The following UTRN variants were observed in gnomAD, a reference collection of about 807,000 sequenced individuals.
UTRN encodes dystrophin-related protein 1.
A neutral mutation model predicts 463.9 loss-of-function variants in UTRN; 283 were observed. The observed-to-expected ratio is 0.61, with a 90% CI of 0.55 to 0.67. The LOEUF (loss-of-function observed/expected upper bound fraction) is 0.67, where lower values mean the gene tolerates loss of function less well. Ranked by LOEUF, UTRN falls within the 30% of genes least tolerant of loss-of-function variation. UTRN has a pLI of 0.00. For synonymous variants in UTRN, 1,442 were observed against 1,431.5 expected (o/e 1.01, Z -0.17); for missense variants, 3,922 against 4,084.3 (o/e 0.96, Z 1.08).
At chr6:144,484,728 C>T (rs1031296846) in intron 27 of UTRN, among the ~76,000 whole-genome samples, 2 of 151,882 alleles carry the variant, frequency 1.3e-5, no homozygotes, top group African/African-American at 4.8e-5. Flanking sequence ...CAGGTGTGAA[C>T]CACCGCACTT....
intron 51 of UTRN, among the ~76,000 whole-genome samples, chr6:144,586,112 T>C (rs1052518514): frequency 3.9e-5 from 6 of 152,138 alleles, no homozygotes; most frequent in Non-Finnish European, 8.8e-5. Context: ...ATTTTCATAC[T>C]TCTCTTGTTT....
At chr6:144,824,614 CTTT>C (rs34382974) in intron 66 of UTRN, among the ~76,000 whole-genome samples, 2 of 30,878 alleles carry the variant, frequency 6.5e-5, no homozygotes, top group African/African-American at 2.1e-4. Context: ...ATATATATAT[CTTT>C]TTTTTTTTTT....
At chr6:144,374,783 TA>T (rs1278521811) in intron 2 of UTRN, among the ~76,000 whole-genome samples, 1 of 151,256 alleles carries the variant, frequency 6.6e-6, no homozygotes, top group African/African-American at 2.4e-5. Flanking sequence ...CGCCCAGCCT[TA>T]AAAATACAAA....
rs769291104 is a variant in UTRN, at chr6:144,700,252, A to G, written c.7809+9A>G. The stretch of plus-strand genomic sequence containing the variant: ...AGTATGACCATTGTAAGGTAAGTGG[A>G]TAACCTATAGTGAGTCGCTTAATTC... On this transcript the variant is annotated intron_variant, in intron 53 of 74. Coordinates refer to ENST00000367545, the MANE Select transcript of UTRN (RefSeq NM_007124.3). 8.7e-6 allele frequency: 14 copies of G among 1,609,528 alleles called. No individual in the cohort carries two copies. Among genetic ancestry groups the G allele is most frequent in the Non-Finnish European group, 1.2e-5 (14 of 1,177,280 alleles).
chr6:144,782,500 G>T (rs1434241099), intron 61 of UTRN, among the ~76,000 whole-genome samples: 1 of 151,946 alleles, frequency 6.6e-6, no homozygotes, highest in Non-Finnish European at 1.5e-5. Context: ...ATGAATTACA[G>T]TAATTTATTA....
chr6:144,297,467 C>T (rs1159232520), intron 2 of UTRN, among the ~76,000 whole-genome samples: 1 of 152,128 alleles, frequency 6.6e-6, no homozygotes, highest in Non-Finnish European at 1.5e-5. Context: ...TGTATTTAGG[C>T]AGTCATCGGT....
intron 51 of UTRN, among the ~76,000 whole-genome samples, chr6:144,616,083 C>T (rs956577852): frequency 2.0e-5 from 3 of 152,150 alleles, no homozygotes; most frequent in African/African-American, 7.2e-5. Context: ...TTTCACTGAT[C>T]TCCATGTTGT....
intron 64 of UTRN, among the ~76,000 whole-genome samples, chr6:144,800,251 A>G (rs1273978653): frequency 2.0e-5 from 3 of 152,228 alleles, no homozygotes; most frequent in African/African-American, 7.2e-5. Context: ...ACCTGAAGCA[A>G]CTATGTAGAA....
intron 54 of UTRN, among the ~76,000 whole-genome samples, chr6:144,736,821 A>T (rs1789461957): frequency 1.3e-5 from 2 of 152,188 alleles, no homozygotes; most frequent in Admixed American, 1.3e-4. Flanking sequence ...GCTGGGAGCC[A>T]GGCTCCTCAC....
chr6:144,607,118 T>C (rs966391495), intron 51 of UTRN, among the ~76,000 whole-genome samples: 77 of 152,348 alleles, frequency 5.1e-4, no homozygotes, highest in Non-Finnish European at 7.1e-4. Context: ...TAAACAAATA[T>C]GGAGTCTGCA....
At chr6:144,325,228 T>G (rs1042176195) in intron 2 of UTRN, among the ~76,000 whole-genome samples, 5 of 152,122 alleles carry the variant, frequency 3.3e-5, no homozygotes, top group Non-Finnish European at 1.5e-5. Flanking sequence ...TGCAACAGTG[T>G]TTGGAGGTGG....
intron 52 of UTRN, among the ~76,000 whole-genome samples, chr6:144,699,315 G>A (rs1784326505): frequency 6.6e-6 from 1 of 151,966 alleles, no homozygotes; most frequent in Non-Finnish European, 1.5e-5. Context: ...GCACATGCCT[G>A]TAATTCCAGC....
intron 53 of UTRN, among the ~76,000 whole-genome samples, chr6:144,730,015 A>G (rs745968246): frequency 1.4e-4 from 21 of 152,266 alleles, no homozygotes; most frequent in Admixed American, 4.6e-4. Flanking sequence ...AGAAAAAAGT[A>G]TCTTAGCAAA....
chr6:144,396,624 A>T (rs575339969), intron 2 of UTRN, among the ~76,000 whole-genome samples: 2 of 152,346 alleles, frequency 1.3e-5, no homozygotes, highest in South Asian at 4.1e-4. Context: ...AGGTGAATTT[A>T]AATGGGTAAA....
At chr6:144,524,997 T>C (rs948224569) in intron 41 of UTRN, among the ~76,000 whole-genome samples, 1 of 152,220 alleles carries the variant, frequency 6.6e-6, no homozygotes, top group African/African-American at 2.4e-5. Flanking sequence ...ATCACATTTA[T>C]TGACTTGTGT....
chr6:144,679,777 A>T (rs1020324625), intron 52 of UTRN, among the ~76,000 whole-genome samples: 13 of 151,752 alleles, frequency 8.6e-5, no homozygotes, highest in South Asian at 2.1e-4. Context: ...ATGAATTAAA[A>T]TTTTTTTTTC....
chr6:144,749,162 A>G (rs1471694646), intron 55 of UTRN, among the ~76,000 whole-genome samples: 2 of 152,176 alleles, frequency 1.3e-5, no homozygotes, highest in African/African-American at 4.8e-5. Flanking sequence ...TTTGGTTCCC[A>G]TATTCTAGAA....
rs1330136575 is a variant in UTRN, at chr6:144,793,925, G to A, written c.9012G>A (p.Gln3004=). The A allele has an allele frequency of 1.9e-6, 3 of 1,614,036 alleles. No homozygotes were observed. Among genetic ancestry groups the A allele is most frequent in the East Asian group, 4.5e-5 (2 of 44,880 alleles). The change falls in exon 63 of 75, where the codon CAG becomes CAA. Residue 3004 remains glutamine, a synonymous_variant. Coordinates refer to ENST00000367545, the MANE Select transcript of UTRN (RefSeq NM_007124.3). The part of the protein sequence containing the change: ...LLHDAIQIPR[Q]LGEVAAFGGS... ...ATGATGCCATCCAGATCCCCCGGCA[G>A]CTAGGTGAAGTAGCAGCTTTTGGAG...
chr6:144,730,186 T>A (rs1171004451), intron 53 of UTRN, among the ~76,000 whole-genome samples, 171 bp from the exon 54 acceptor site: 1 of 152,244 alleles, frequency 6.6e-6, no homozygotes, highest in Non-Finnish European at 1.5e-5. Flanking sequence ...TCCTTTGTAT[T>A]TTTCTTCATT....
Sources: gnomAD v4.1 joint callset for allele counts (sites outside exome capture counted in the v4.1 genomes callset) on GRCh38, gnomAD v4.1.1 for gene constraint, MANE v1.5 for transcripts, NCBI Gene and HGNC (gene_info 2026-07-23, HGNC 2026-07-21) for gene names.